ITGA9: variants seen among roughly 807,000 people sequenced by gnomAD.
The protein encoded by ITGA9 is integrin alpha-9.
A neutral mutation model predicts 127.8 loss-of-function variants in ITGA9; 56 were observed. That is an observed-to-expected ratio of 0.44 (90% CI 0.35 to 0.55). The LOEUF (loss-of-function observed/expected upper bound fraction) is 0.55, where lower values mean the gene tolerates loss of function less well. Among genes scored for constraint, ITGA9 ranks in the 20% least tolerant of loss-of-function variants. The pLI, the probability that ITGA9 is intolerant of heterozygous loss-of-function variation, is 0.00. For synonymous variants in ITGA9, 508 were observed against 514.5 expected (o/e 0.99, Z 0.17); for missense variants, 1,196 against 1,347.1 (o/e 0.89, Z 1.76).
chr3:37,662,667 T>C lies in ITGA9; in HGVS notation c.1916+8877T>C, dbSNP rs556210941. 1.9e-3 allele frequency among the ~76,000 whole-genome samples: 295 copies of C among 152,334 alleles called. 2 individuals are homozygous for C. Among genetic ancestry groups the C allele is most frequent in the African/African-American group, 6.8e-3 (284 of 41,582 alleles). On this transcript the variant is annotated intron_variant, in intron 17 of 27. Transcript: ENST00000264741. ...AGAGATGTTGTGCTGATTTCCACCATGGTGCCCCCCTCCCAGGGCTTCACA... is the reference window on the plus strand; with the variant it reads ...AGAGATGTTGTGCTGATTTCCACCACGGTGCCCCCCTCCCAGGGCTTCACA...
chr3:37,749,377 C>T (rs1696552071), intron 22 of ITGA9: 1 of 153,258 alleles, frequency 6.5e-6, no homozygotes, highest in Non-Finnish European at 1.4e-5. Flanking sequence ...GATTAGCAAC[C>T]TTAATTCCCC....
At chr3:37,479,687 G>C (rs1007594730) in intron 3 of ITGA9, among the ~76,000 whole-genome samples, 1 of 152,200 alleles carries the variant, frequency 6.6e-6, no homozygotes, top group Non-Finnish European at 1.5e-5. Flanking sequence ...CCTGCCCCAG[G>C]GGGTGGGTTT....
Position 37,814,572 on chromosome 3 carries a change from C to A in ITGA9, c.3010-4319C>A, listed in dbSNP as rs1012517338. The stretch of plus-strand genomic sequence containing the variant: ...GAGCGAGACTCCATCCCCCACCCCC[C>A]CAAAAAAGAAACAATATTAGTTTGA... On this transcript the variant is annotated intron_variant, in intron 27 of 27. Transcript: ENST00000264741. The surrounding 1 kb of genome is among the most constrained non-coding windows in gnomAD (Gnocchi z 4.3). 2.6e-4 allele frequency among the ~76,000 whole-genome samples: 40 copies of A among 151,940 alleles called. No individual in the cohort carries two copies. The highest frequency in any genetic ancestry group is 4.6e-4 in the Non-Finnish European group (31 of 67,974).
At chr3:37,612,070 C>T (rs1661756036) in intron 15 of ITGA9, among the ~76,000 whole-genome samples, 1 of 152,080 alleles carries the variant, frequency 6.6e-6, no homozygotes, top group Admixed American at 6.6e-5. Flanking sequence ...TTTTTAACTG[C>T]TGAGACCAGA....
rs576993442 is a variant in ITGA9, at chr3:37,636,188, A to G, written c.1839+6852A>G. On this transcript the variant is annotated intron_variant, in intron 16 of 27. Transcript: ENST00000264741. The stretch of plus-strand genomic sequence containing the variant: ...GGTCAAATGGCATTTCTGGTTCTAG[A>G]TCCCTGAGGAATCGCCATATTGACT... 3.5e-3 allele frequency among the ~76,000 whole-genome samples: 527 copies of G among 152,266 alleles called. 4 individuals are homozygous for G. The highest frequency in any genetic ancestry group is 6.3e-3 in the Non-Finnish European group (428 of 68,018).
chr3:37,518,091 C>CACGTGT (rs1699005013), intron 10 of ITGA9, among the ~76,000 whole-genome samples: 1 of 51,880 alleles, frequency 1.9e-5, no homozygotes, highest in South Asian at 5.7e-4. Context: ...TGAGAGTGTA[C>CACGTGT]GCGTGTGTGT....
At chr3:37,726,005 C>T (rs1182572519) in intron 18 of ITGA9, among the ~76,000 whole-genome samples, 5 of 152,148 alleles carry the variant, frequency 3.3e-5, no homozygotes, top group Admixed American at 2.0e-4. Context: ...TCTGGGAATA[C>T]GACTGTTCTG....
At chr3:37,721,679 C>T (rs1413848662) in intron 18 of ITGA9, among the ~76,000 whole-genome samples, 2 of 152,150 alleles carry the variant, frequency 1.3e-5, no homozygotes, top group Non-Finnish European at 1.5e-5. Flanking sequence ...CTGGTTCCCT[C>T]GGAGTGTTCG....
At chr3:37,714,946 C>A (rs910681123) in intron 18 of ITGA9, among the ~76,000 whole-genome samples, 1 of 152,262 alleles carries the variant, frequency 6.6e-6, no homozygotes, top group Non-Finnish European at 1.5e-5. Context: ...TGTTGTGTGA[C>A]CTTGGAAAGT....
At chr3:37,691,132 A>G (rs1700828256) in intron 18 of ITGA9, among the ~76,000 whole-genome samples, 2 of 152,200 alleles carry the variant, frequency 1.3e-5, no homozygotes, top group African/African-American at 2.4e-5. Context: ...AGATGCCGTA[A>G]TATAGCCCCT....
intron 5 of ITGA9, 107 bp downstream of exon 5, chr3:37,494,675 T>C: frequency 1.1e-6 from 1 of 892,806 alleles, no homozygotes; most frequent in Non-Finnish European, 1.8e-6. Context: ...TCCCAGATAC[T>C]TGAGCCTCGA....
At chr3:37,798,898 AT>A (rs1296507430) in intron 26 of ITGA9, among the ~76,000 whole-genome samples, 1 of 152,306 alleles carries the variant, frequency 6.6e-6, no homozygotes, top group African/African-American at 2.4e-5. Flanking sequence ...TATGAGAATC[AT>A]GTTTTTAACT....
At chr3:37,760,136 G>A (rs980365044) in intron 23 of ITGA9, among the ~76,000 whole-genome samples, 8 of 151,936 alleles carry the variant, frequency 5.3e-5, no homozygotes, top group South Asian at 2.1e-4. Flanking sequence ...CAGGAGAGTC[G>A]TCTGTAATCT....
At chr3:37,714,066 G>A (rs867905857) in intron 18 of ITGA9, among the ~76,000 whole-genome samples, 4 of 152,238 alleles carry the variant, frequency 2.6e-5, no homozygotes, top group African/African-American at 9.6e-5. Context: ...GACAGTCACA[G>A]GGGTGGAACA....
At chr3:37,605,943 A>G (rs1446736310) in intron 15 of ITGA9, among the ~76,000 whole-genome samples, 2 of 152,030 alleles carry the variant, frequency 1.3e-5, no homozygotes, top group African/African-American at 4.8e-5. Context: ...TGAGTATGAT[A>G]TAGTGTGCAT....
intron 4 of ITGA9, among the ~76,000 whole-genome samples, chr3:37,492,972 G>A (rs1013526411): frequency 6.6e-6 from 1 of 152,120 alleles, no homozygotes; most frequent in Non-Finnish European, 1.5e-5. Context: ...AGTCTCACTC[G>A]CAGCCCTGGT....
intron 19 of ITGA9, among the ~76,000 whole-genome samples, chr3:37,734,487 T>G (rs988683643): frequency 6.6e-6 from 1 of 152,144 alleles, no homozygotes; most frequent in Non-Finnish European, 1.5e-5. Context: ...GTGTTACATT[T>G]TGTCAAATTT....
chr3:37,560,658 A>T (rs566201689), intron 15 of ITGA9, among the ~76,000 whole-genome samples: 2 of 152,094 alleles, frequency 1.3e-5, no homozygotes, highest in South Asian at 2.1e-4. Context: ...CTGGCATGAG[A>T]TGGTATCTCA....
intron 26 of ITGA9, among the ~76,000 whole-genome samples, chr3:37,795,602 C>T (rs546221714): frequency 4.6e-5 from 7 of 152,242 alleles, no homozygotes; most frequent in African/African-American, 1.4e-4. Context: ...TCCCCATTTT[C>T]GTCTGTTTTG....
Sources: allele counts gnomAD v4.1 joint callset (sites outside exome capture counted in the v4.1 genomes callset), GRCh38; gene constraint gnomAD v4.1.1; non-coding constraint Gnocchi (gnomAD v3.1); transcripts MANE v1.5; gene names NCBI Gene and HGNC (gene_info 2026-07-23, HGNC 2026-07-21).